The following TMEM131 variants were observed in gnomAD, a reference collection of about 807,000 sequenced individuals.
TMEM131 encodes the protein 2610524E03Rik.
In TMEM131, 66 loss-of-function variants were observed where a neutral mutation model predicts 211.6. That is an observed-to-expected ratio of 0.31 (90% CI 0.26 to 0.38). The LOEUF is 0.38. TMEM131 is among the 10% of genes least tolerant of loss of function. TMEM131 has a pLI of 1.00. For synonymous variants in TMEM131, 844 were observed against 841.3 expected, an observed-to-expected ratio of 1.00 and a Z score of -0.06; for missense variants, 2,036 against 2,299.3, an observed-to-expected ratio of 0.89 and a Z score of 2.34.
chr2:97,833,166 T>C (rs980777257), intron 11 of TMEM131, among the ~76,000 whole-genome samples, 199 bp downstream of exon 11: 6 of 152,182 alleles, frequency 3.9e-5, no homozygotes, highest in Non-Finnish European at 5.9e-5. Context: ...TTTGAAAAGA[T>C]TGCCCATTTC....
Position 97,884,454 on chromosome 2 carries a change from T to C in TMEM131, c.359+3598A>G, listed in dbSNP as rs74647598. ...TAGGTCCATTTAGTTGATGGTGTAG[T>C]TTAAATCCAATGCTTCTTTGTTGAT... On this transcript the variant is annotated intron_variant, in intron 4 of 40. Transcript: ENST00000186436. 3.2e-3 allele frequency among the ~76,000 whole-genome samples: 490 copies of C among 152,314 alleles called. 7 individuals carry two copies. The East Asian group carries it at 0.04, about 13-fold the overall frequency.
At chr2:97,759,942 TCCGGATGCCCTATCACTAGCTCACAG>T (rs1678732398) in intron 38 of TMEM131, 193 bp from the exon 39 acceptor site, 1 of 566,358 alleles carries the variant, frequency 1.8e-6, no homozygotes, top group Admixed American at 3.0e-5. Context: ...GCCCCAGAGC[TCCGGATGCCCTATCACTAGCTCACAG>T]CCAGGTTCAA....
chr2:97,848,807 T>C (rs1683567643), intron 5 of TMEM131, among the ~76,000 whole-genome samples: 1 of 152,138 alleles, frequency 6.6e-6, no homozygotes, highest in African/African-American at 2.4e-5. Flanking sequence ...AACAATTTGA[T>C]AAACTGGACA....
At chr2:97,965,768 T>G (rs1241942667) in intron 1 of TMEM131, among the ~76,000 whole-genome samples, 2 of 151,772 alleles carry the variant, frequency 1.3e-5, no homozygotes, top group Non-Finnish European at 2.9e-5. Context: ...GAATTTAGAT[T>G]GTGTAAAATT....
chr2:97,868,680 G>A (rs937688126), intron 4 of TMEM131, among the ~76,000 whole-genome samples: 1 of 152,118 alleles, frequency 6.6e-6, no homozygotes, highest in Admixed American at 6.5e-5. Flanking sequence ...TGGCCTAACA[G>A]TTCAGAACAA....
At chr2:97,889,919 T>C (rs1471582656) in intron 3 of TMEM131, among the ~76,000 whole-genome samples, 1 of 152,006 alleles carries the variant, frequency 6.6e-6, no homozygotes, top group Non-Finnish European at 1.5e-5. Flanking sequence ...TAGGTGAAAA[T>C]GTGTGTATAA....
intron 31 of TMEM131, among the ~76,000 whole-genome samples, chr2:97,784,922 C>T (rs531504931): frequency 2.6e-5 from 4 of 152,054 alleles, no homozygotes; most frequent in African/African-American, 7.2e-5. Context: ...ATATCAGAAA[C>T]AAAACAGAAT....
chr2:97,995,623 T>C lies in TMEM131; in HGVS notation c.40A>G (p.Thr14Ala), dbSNP rs1456033318. Reference sequence around the variant, plus strand: ...CCGGCGGACGTGGAGACGGCGGCGGTGGTGGCTCCGGTTGCTCCTCCTCCC... The same window carrying C: ...CCGGCGGACGTGGAGACGGCGGCGGCGGTGGCTCCGGTTGCTCCTCCTCCC... Reference protein sequence around the residue: ...RAGGGATGATTAAVSTSAGAG... With the variant: ...RAGGGATGATAAAVSTSAGAG... Residue 14 changes from threonine (T) to alanine (A), a missense_variant, in exon 1 of 41, where the codon ACC becomes GCC. Thr to Ala is a moderately conservative substitution (Grantham distance 58, BLOSUM62 0). Around this residue, in one of 3 missense-constraint regions of TMEM131, gnomAD observed 136 missense variants for 115.4 expected, o/e 1.18. Coordinates refer to ENST00000186436, the MANE Select transcript of TMEM131 (RefSeq NM_015348.2). The C allele has an allele frequency of 1.8e-5, 22 of 1,232,838 alleles. No homozygotes were observed. The highest frequency in any genetic ancestry group is 3.5e-5 in the South Asian group (1 of 28,202). The allele number at this position is 1,232,838 out of a possible 1,614,324, so 76.4% of individuals were successfully genotyped here. A position where few individuals can be genotyped will look rare whatever the true frequency, so the allele number is the denominator to read the frequency against.
intron 40 of TMEM131, among the ~76,000 whole-genome samples, 157 bp from the exon 41 acceptor site, chr2:97,757,540 T>G (rs10169155): frequency 0.35 from 53,607 of 152,050 alleles, 10,318 homozygotes; most frequent in Middle Eastern, 0.5. Flanking sequence ...TGAGCAGATG[T>G]TTCTGATTTT....
intron 7 of TMEM131, among the ~76,000 whole-genome samples, chr2:97,840,575 G>A (rs1683152006): frequency 6.6e-6 from 1 of 152,232 alleles, no homozygotes; most frequent in African/African-American, 2.4e-5. Flanking sequence ...GAGTGACAGA[G>A]TGAGACCCTG....
intron 2 of TMEM131, among the ~76,000 whole-genome samples, chr2:97,923,051 G>A (rs1485270929): frequency 6.6e-6 from 1 of 152,188 alleles, no homozygotes; most frequent in East Asian, 1.9e-4. Flanking sequence ...CATTTTGGGA[G>A]GCCAAAGCAG....
At chr2:97,840,007 T>C (rs1196062885) in intron 7 of TMEM131, among the ~76,000 whole-genome samples, 1 of 152,252 alleles carries the variant, frequency 6.6e-6, no homozygotes, top group Admixed American at 6.5e-5. Flanking sequence ...ACAAACGATA[T>C]ACATTTTCTC....
chr2:97,826,385 G>A (rs1682383447), intron 11 of TMEM131, among the ~76,000 whole-genome samples: 1 of 152,188 alleles, frequency 6.6e-6, no homozygotes, highest in Non-Finnish European at 1.5e-5. Context: ...CTAACCTCTA[G>A]GGGAACCCCC....
chr2:97,871,882 T>G (rs1478228924), intron 4 of TMEM131, among the ~76,000 whole-genome samples: 1 of 151,262 alleles, frequency 6.6e-6, no homozygotes, highest in African/African-American at 2.5e-5. Flanking sequence ...ATCAGGTAAT[T>G]ATAGGAGTTG....
intron 4 of TMEM131, among the ~76,000 whole-genome samples, chr2:97,860,546 G>A (rs980584149): frequency 3.3e-5 from 5 of 152,124 alleles, no homozygotes; most frequent in Admixed American, 2.6e-4. Flanking sequence ...TTTATATTTC[G>A]TTCAACTGTC....
chr2:97,913,048 T>C (rs1313878595), intron 2 of TMEM131: 1 of 152,328 alleles, frequency 6.6e-6, no homozygotes, highest in East Asian at 1.9e-4. Context: ...CCAGAAGCAT[T>C]TCTCTGTGTG....
At chr2:97,950,374 A>G (rs1201993538) in intron 1 of TMEM131, among the ~76,000 whole-genome samples, 4 of 152,190 alleles carry the variant, frequency 2.6e-5, no homozygotes, top group African/African-American at 9.7e-5. Flanking sequence ...TTCAATTTAA[A>G]AACAGTCAAA....
At chr2:97,987,323 C>T (rs778388023) in intron 1 of TMEM131, among the ~76,000 whole-genome samples, 6 of 152,032 alleles carry the variant, frequency 3.9e-5, no homozygotes, top group Non-Finnish European at 8.8e-5. Context: ...CCATCCTGGC[C>T]GTGAAACCTC....
rs201625536 is a variant in TMEM131 at position 97,758,979 on chromosome 2, C to T, written c.5281G>A (p.Gly1761Ser). Residue 1761 changes from glycine to serine, a missense_variant, in exon 40 of 41, where the codon GGC becomes AGC. By Grantham distance (56) the Gly-to-Ser change is moderately conservative. This residue lies in a region of TMEM131 where 1,623 missense variants were observed against 1,805.9 expected (regional missense o/e 0.90). Coordinates refer to ENST00000186436, the MANE Select transcript of TMEM131 (RefSeq NM_015348.2). ...GGCGACTCCCAAAGGTATGAAGGGCCACTATTAAACTCGTTCCAGCTCCTC... is the reference window on the plus strand; with the variant it reads ...GGCGACTCCCAAAGGTATGAAGGGCTACTATTAAACTCGTTCCAGCTCCTC... ...SQRSWNEFNS[G>S]PSYLWESPAT... 2.5e-6 allele frequency: 4 copies of T among 1,613,866 alleles called. No individual in the cohort carries two copies. The highest frequency in any genetic ancestry group is 3.4e-6 in the Non-Finnish European group (4 of 1,179,874).
Sources: gnomAD v4.1 joint callset for allele counts (sites outside exome capture counted in the v4.1 genomes callset) on GRCh38, gnomAD v4.1.1 for gene constraint, gnomAD v4.1.1 regional missense constraint, MANE v1.5 for transcripts, NCBI Gene and HGNC (gene_info 2026-07-23, HGNC 2026-07-21) for gene names.